SLC8A1: variants seen among roughly 807,000 people sequenced by gnomAD.
SLC8A1 encodes the protein sodium/calcium exchanger 1.
A neutral mutation model predicts 68.3 loss-of-function variants in SLC8A1; 18 were observed. The observed-to-expected ratio is 0.26, with a 90% CI of 0.18 to 0.39. The LOEUF (loss-of-function observed/expected upper bound fraction) is 0.39. Among genes scored for constraint, SLC8A1 ranks in the 10% least tolerant of loss-of-function variants. The probability of loss-of-function intolerance (pLI) is 1.00; values close to 1 mark genes in which losing one functional copy is unlikely to be tolerated. For missense variants in SLC8A1, 985 were observed against 1,156.7 expected, an observed-to-expected ratio of 0.85 and a Z score of 2.15; for synonymous variants, 475 against 415.5, an observed-to-expected ratio of 1.14 and a Z score of -1.74.
intron 1 of SLC8A1, among the ~76,000 whole-genome samples, chr2:40,471,252 G>C (rs1703972638): frequency 6.6e-6 from 1 of 152,156 alleles, no homozygotes; most frequent in Admixed American, 6.5e-5. Flanking sequence ...CTCCTAAGCA[G>C]GGCCGTGGAC....
At chr2:40,290,229 C>T (rs918293200) in intron 2 of SLC8A1, among the ~76,000 whole-genome samples, 4 of 150,552 alleles carry the variant, frequency 2.7e-5, no homozygotes, top group African/African-American at 4.9e-5. Flanking sequence ...GAATGGGAAA[C>T]GCAGTACGAA....
intron 2 of SLC8A1, among the ~76,000 whole-genome samples, chr2:40,271,656 A>C (rs1320487414): frequency 1.3e-5 from 2 of 152,196 alleles, no homozygotes; most frequent in Non-Finnish European, 2.9e-5. Flanking sequence ...AGCCAAGAAC[A>C]GTGACTTGCA....
At chr2:40,297,346 C>G (rs2070585275) in intron 2 of SLC8A1, among the ~76,000 whole-genome samples, 1 of 152,160 alleles carries the variant, frequency 6.6e-6, no homozygotes, top group Admixed American at 6.5e-5. Context: ...ACTCTGGACA[C>G]ATTTCATAGT....
At chr2:40,129,724 C>T (rs1295277776) in intron 7 of SLC8A1, among the ~76,000 whole-genome samples, 1 of 152,184 alleles carries the variant, frequency 6.6e-6, no homozygotes, top group Non-Finnish European at 1.5e-5. Context: ...ATGCATAACA[C>T]CAACCCTCCA....
intron 2 of SLC8A1, among the ~76,000 whole-genome samples, chr2:40,397,921 C>T (rs1396941102): frequency 3.3e-5 from 5 of 152,176 alleles, no homozygotes; most frequent in Admixed American, 3.3e-4. Flanking sequence ...TGGGTAGCTG[C>T]TGCCTTATGG....
At chr2:40,316,297 G>T (rs926341693) in intron 2 of SLC8A1, among the ~76,000 whole-genome samples, 3 of 151,976 alleles carry the variant, frequency 2.0e-5, no homozygotes, top group Non-Finnish European at 2.9e-5. Context: ...ATGTTGAAAA[G>T]AAATTTATTG....
At chr2:40,334,732 C>T (rs1665387535) in intron 2 of SLC8A1, among the ~76,000 whole-genome samples, 1 of 152,098 alleles carries the variant, frequency 6.6e-6, no homozygotes, top group African/African-American at 2.4e-5. Flanking sequence ...AAATGACGTG[C>T]TATTTTCAGG....
chr2:40,357,418 GC>G (rs1673019027), intron 2 of SLC8A1, among the ~76,000 whole-genome samples: 1 of 149,260 alleles, frequency 6.7e-6, no homozygotes, highest in Non-Finnish European at 1.5e-5. Flanking sequence ...GATTGCTTGA[GC>G]CCAGGAGGTC....
At chr2:40,421,893 A>G (rs1576360427) in intron 2 of SLC8A1, among the ~76,000 whole-genome samples, 1 of 152,192 alleles carries the variant, frequency 6.6e-6, no homozygotes. Flanking sequence ...TGTAGGCAGC[A>G]TGTCGAGCCA....
intron 1 of SLC8A1, among the ~76,000 whole-genome samples, chr2:40,458,214 TA>T (rs1254119750): frequency 6.6e-6 from 1 of 152,194 alleles, no homozygotes; most frequent in Non-Finnish European, 1.5e-5. Context: ...TAATAGAATA[TA>T]AAAATGAGGA....
intron 7 of SLC8A1, among the ~76,000 whole-genome samples, chr2:40,131,274 A>G (rs1251261084): frequency 6.6e-6 from 1 of 152,214 alleles, no homozygotes; most frequent in Non-Finnish European, 1.5e-5. Flanking sequence ...ATGTTCTTTT[A>G]TAACCCCTCA....
intron 2 of SLC8A1, among the ~76,000 whole-genome samples, chr2:40,346,504 C>T (rs1294141632): frequency 1.3e-5 from 2 of 152,108 alleles, no homozygotes; most frequent in African/African-American, 4.8e-5. Context: ...AGTATTCCTC[C>T]TAGGACCATG....
intron 7 of SLC8A1, among the ~76,000 whole-genome samples, chr2:40,121,091 A>T (rs1462797474): frequency 1.3e-5 from 2 of 152,230 alleles, no homozygotes; most frequent in African/African-American, 4.8e-5. Flanking sequence ...ATAAGCAGAC[A>T]GGAGGGATGT....
chr2:40,480,557 C>A (rs1460187260), intron 1 of SLC8A1, among the ~76,000 whole-genome samples: 1 of 152,112 alleles, frequency 6.6e-6, no homozygotes, highest in Non-Finnish European at 1.5e-5. Context: ...GATAAGGCAG[C>A]CAGTTTATGG....
chr2:40,339,541 G>T (rs751517294), intron 2 of SLC8A1, among the ~76,000 whole-genome samples: 14 of 152,196 alleles, frequency 9.2e-5, no homozygotes, highest in Non-Finnish European at 2.1e-4. Context: ...ATTGTGAAAA[G>T]ATAGTAACTG....
chr2:40,261,370 G>T (rs1375629484), intron 2 of SLC8A1, among the ~76,000 whole-genome samples: 2 of 152,118 alleles, frequency 1.3e-5, no homozygotes, highest in Non-Finnish European at 1.5e-5. Context: ...GGCTAAAAGG[G>T]TTTCTCTTTT....
chr2:40,267,301 C>T (rs968327797), intron 2 of SLC8A1, among the ~76,000 whole-genome samples: 3 of 152,080 alleles, frequency 2.0e-5, no homozygotes, highest in Non-Finnish European at 2.9e-5. Flanking sequence ...AACACAGGGA[C>T]CTGTGCTGGG....
intron 2 of SLC8A1, among the ~76,000 whole-genome samples, chr2:40,239,134 T>A (rs2060858015): frequency 6.6e-6 from 1 of 152,108 alleles, no homozygotes; most frequent in Non-Finnish European, 1.5e-5. Flanking sequence ...CATACCATAG[T>A]AATCTTCACC....
chr2:40,406,755 C>A (rs1690475183), intron 2 of SLC8A1, among the ~76,000 whole-genome samples: 2 of 152,140 alleles, frequency 1.3e-5, no homozygotes, highest in African/African-American at 4.8e-5. Flanking sequence ...ACAATCTAAC[C>A]ATTGTCAGCT....
Sources: gnomAD v4.1 joint callset for allele counts (sites outside exome capture counted in the v4.1 genomes callset) on GRCh38, gnomAD v4.1.1 for gene constraint, MANE v1.5 for transcripts, NCBI Gene and HGNC (gene_info 2026-07-23, HGNC 2026-07-21) for gene names.